Variants in EMILIN2 observed in about 807,000 individuals in gnomAD.
EMILIN2 encodes the protein elastin microfibril interfacer 2, also known as EMILIN-2.
In EMILIN2, 71 loss-of-function variants were observed where a neutral mutation model predicts 87.1. The observed-to-expected ratio is 0.82, with a 90% confidence interval of 0.67 to 0.99. EMILIN2 has a LOEUF of 0.99. Among genes scored for constraint, EMILIN2 ranks in the 50% least tolerant of loss-of-function variants. The probability of loss-of-function intolerance (pLI) is 0.00; values close to 1 mark genes in which losing one functional copy is unlikely to be tolerated. For synonymous variants in EMILIN2, 581 were observed against 563.4 expected, an observed-to-expected ratio of 1.03 and a Z score of -0.44; for missense variants, 1,407 against 1,371.8, an observed-to-expected ratio of 1.03 and a Z score of -0.40.
intron 4 of EMILIN2, among the ~76,000 whole-genome samples, chr18:2,904,173 C>A (rs371778020): frequency 2.1e-3 from 323 of 152,304 alleles, no homozygotes; most frequent in African/African-American, 7.1e-3. Flanking sequence ...GTTTCCAATA[C>A]TGTTGAGAAG....
rs1056762885 is a variant in EMILIN2 at position 2,869,275 on chromosome 18, A to G, written c.258-15689A>G. Among the ~76,000 whole-genome samples, 12 of 109,714 alleles carry G rather than the reference A, an allele frequency of 1.1e-4. No individual in the cohort carries two copies. The East Asian group carries it at 2.1e-3, about 19-fold the overall frequency. The allele number at this position is 109,714 out of a possible 152,430, so 72.0% of individuals were successfully genotyped here. A position where few individuals can be genotyped will look rare whatever the true frequency, so the allele number is the denominator to read the frequency against. On this transcript the variant is annotated intron_variant, in intron 2 of 7. Transcript: ENST00000254528. ...AAAAATACCTTAATGCAGAAATTAC[A>G]TAGTTAAAAAAAAAAAAGCTTAATT...
At chr18:2,858,551 A>ATGTGTG (rs1568453987) in intron 2 of EMILIN2, among the ~76,000 whole-genome samples, 6 of 48,450 alleles carry the variant, frequency 1.2e-4, no homozygotes, top group African/African-American at 8.6e-4. Context: ...ATATATATAT[A>ATGTGTG]TATATATATA....
chr18:2,883,243 C>T (rs996272504), intron 2 of EMILIN2, among the ~76,000 whole-genome samples: 18 of 152,312 alleles, frequency 1.2e-4, no homozygotes, highest in African/African-American at 4.3e-4. Flanking sequence ...AAAGGTCCAG[C>T]ACATGATTTG....
chr18:2,908,561 A>C (rs1478698490), intron 5 of EMILIN2, among the ~76,000 whole-genome samples: 1 of 152,216 alleles, frequency 6.6e-6, no homozygotes, highest in Non-Finnish European at 1.5e-5. Flanking sequence ...TAAGTACTGC[A>C]TTCAGTCTAG....
chr18:2,893,882 G>A (rs1008044412), intron 4 of EMILIN2, among the ~76,000 whole-genome samples: 3 of 152,190 alleles, frequency 2.0e-5, no homozygotes, highest in African/African-American at 7.2e-5. Context: ...TTGTTTTCTT[G>A]CAGTCCAGCC....
At chr18:2,854,805 CCAGAA>C (rs1275465340) in intron 2 of EMILIN2, among the ~76,000 whole-genome samples, 1 of 152,056 alleles carries the variant, frequency 6.6e-6, no homozygotes, top group Non-Finnish European at 1.5e-5. Flanking sequence ...ACAAAAAAAC[CCAGAA>C]CAGAACATGT....
At chr18:2,902,290 T>C (rs2076891239) in intron 4 of EMILIN2, among the ~76,000 whole-genome samples, 2 of 152,172 alleles carry the variant, frequency 1.3e-5, no homozygotes, top group African/African-American at 4.8e-5. Flanking sequence ...TTGTTCAATG[T>C]CAGTTACCAG....
chr18:2,888,415 T>C (rs2076813702), intron 3 of EMILIN2, among the ~76,000 whole-genome samples: 1 of 152,122 alleles, frequency 6.6e-6, no homozygotes, highest in Admixed American at 6.6e-5. Context: ...TTTTCTTTAG[T>C]GTCTTAAGAG....
intron 2 of EMILIN2, among the ~76,000 whole-genome samples, chr18:2,858,565 ATATATGTGTG>A (rs2076642151): frequency 2.9e-5 from 2 of 67,818 alleles, no homozygotes; most frequent in Non-Finnish European, 4.7e-5. Flanking sequence ...ATATATATAT[ATATATGTGTG>A]TGTGTGTGTA....
intron 7 of EMILIN2, among the ~76,000 whole-genome samples, chr18:2,911,440 C>T (rs1190254577): frequency 2.0e-5 from 3 of 152,352 alleles, no homozygotes; most frequent in East Asian, 1.9e-4. Context: ...TGAGCTTCAT[C>T]GCCCAACTCC....
chr18:2,884,228 T>C (rs968226437), intron 2 of EMILIN2, among the ~76,000 whole-genome samples: 1 of 151,946 alleles, frequency 6.6e-6, no homozygotes, highest in Admixed American at 6.6e-5. Context: ...AGTGCTCAGA[T>C]TACAGGCGTG....
At chr18:2,876,640 C>A (rs964715769) in intron 2 of EMILIN2, among the ~76,000 whole-genome samples, 11 of 123,790 alleles carry the variant, frequency 8.9e-5, no homozygotes, top group African/African-American at 3.3e-4. Context: ...GTGGCGGGCG[C>A]CTGTAGTCCC....
Position 2,907,045 on chromosome 18 carries a change from C to T in EMILIN2, c.2622C>T (p.Ser874=), listed in dbSNP as rs1032378566. The T allele has an allele frequency of 2.3e-6, 3 of 1,277,518 alleles. No homozygotes were observed. Among genetic ancestry groups the T allele is most frequent in the Non-Finnish European group, 2.0e-6 (2 of 1,016,648 alleles). The allele number at this position is 1,277,518 out of a possible 1,614,324, so 79.1% of individuals were successfully genotyped here. A position where few individuals can be genotyped will look rare whatever the true frequency, so the allele number is the denominator to read the frequency against. ...LPRGVDGQTG[S]GTVPGAEGFA... ...GGGGCGTGGACGGCCAGACCGGGAG[C>T]GGCACCGTCCCCGGCGCAGAAGGCT... is the stretch of plus-strand genomic sequence containing the variant. The change falls in exon 5 of 8, where the codon AGC becomes AGT. Residue 874 remains serine, a synonymous_variant. Transcript: ENST00000254528.
chr18:2,879,742 T>G (rs2076767921), intron 2 of EMILIN2, among the ~76,000 whole-genome samples: 1 of 151,314 alleles, frequency 6.6e-6, no homozygotes, highest in South Asian at 2.1e-4. Flanking sequence ...ATGGTCTCTG[T>G]CGCCCAGGCT....
At chr18:2,896,787 G>A (rs1380869818) in intron 4 of EMILIN2, among the ~76,000 whole-genome samples, 1 of 152,128 alleles carries the variant, frequency 6.6e-6, no homozygotes, top group Admixed American at 6.5e-5. Context: ...GGGAATTACG[G>A]GCATGAGCCA....
intron 7 of EMILIN2, among the ~76,000 whole-genome samples, chr18:2,912,578 C>T (rs1314075751): frequency 1.3e-5 from 2 of 152,206 alleles, no homozygotes; most frequent in East Asian, 1.9e-4. Context: ...TCCTTTCCCA[C>T]CCTGGGCCCA....
chr18:2,846,847 C>T, upstream of EMILIN2: 5 of 985,394 alleles, frequency 5.1e-6, no homozygotes, highest in Non-Finnish European at 6.0e-6. This position sits in a 1 kb window ranked among gnomAD's most constrained non-coding sequence, Gnocchi z 5.3. Flanking sequence ...GCCCCTCCAC[C>T]CCGAGCCCCC....
Position 2,913,648 on chromosome 18 carries a change from TGGA to T in EMILIN2, c.*245_*247del. 3 of 479,942 alleles carry T rather than the reference TGGA, an allele frequency of 6.3e-6. No individual in the cohort carries two copies. Among genetic ancestry groups the T allele is most frequent in the Non-Finnish European group, 7.4e-6 (2 of 270,910 alleles). The allele number at this position is 479,942 out of a possible 1,614,324, so 29.7% of individuals were successfully genotyped here. ...ACTCTAACTGGACAACTGGAAGACT[TGGA>T]AAGGCCTCCACCTGTATCTACACTC... On this transcript the variant is annotated 3_prime_UTR_variant, in exon 8 of 8. Coordinates refer to ENST00000254528, the MANE Select transcript of EMILIN2 (RefSeq NM_032048.3).
chr18:2,882,695 C>A (rs919423050), intron 2 of EMILIN2, among the ~76,000 whole-genome samples: 7 of 152,086 alleles, frequency 4.6e-5, no homozygotes, highest in Admixed American at 1.3e-4. Context: ...CCAGCCCAGC[C>A]AACATGGTGA....
Sources: gnomAD v4.1 joint callset for allele counts (sites outside exome capture counted in the v4.1 genomes callset) on GRCh38, gnomAD v4.1.1 for gene constraint, Gnocchi (gnomAD v3.1) non-coding constraint, MANE v1.5 for transcripts, NCBI Gene and HGNC (gene_info 2026-07-23, HGNC 2026-07-21) for gene names.